Variants in FRMD6 observed in about 807,000 individuals in gnomAD.
The protein encoded by FRMD6 is FERM domain-containing protein 6.
In FRMD6, 37 loss-of-function variants were observed where a neutral mutation model predicts 73.2. The ratio of observed to expected loss-of-function variants is 0.51; its 90% confidence interval spans 0.39 to 0.66. The LOEUF (loss-of-function observed/expected upper bound fraction) is 0.66, where lower values mean the gene tolerates loss of function less well. Among genes scored for constraint, FRMD6 ranks in the 30% least tolerant of loss-of-function variants. FRMD6 has a pLI of 0.00. For missense variants in FRMD6, 714 were observed against 780.5 expected, an observed-to-expected ratio of 0.91 and a Z score of 1.02; for synonymous variants, 273 against 282.2, an observed-to-expected ratio of 0.97 and a Z score of 0.33.
intron 1 of FRMD6, among the ~76,000 whole-genome samples, chr14:51,496,116 C>T (rs1883277090): frequency 6.6e-6 from 1 of 152,190 alleles, no homozygotes; most frequent in Admixed American, 6.5e-5. Flanking sequence ...ATCACTCACT[C>T]TGAGGAATCC....
At chr14:51,637,476 C>CAT in intron 2 of FRMD6, 1 of 141,594 alleles carries the variant, frequency 7.1e-6, no homozygotes, top group Non-Finnish European at 1.5e-5. Flanking sequence ...CACACACACA[C>CAT]ACACACACAC....
chr14:51,457,350 T>G, the FRMD6 span, among the ~76,000 whole-genome samples: 1 of 151,770 alleles, frequency 6.6e-6, no homozygotes, highest in South Asian at 2.1e-4. Flanking sequence ...ATATGATGAC[T>G]AGAAAAAAAA....
chr14:51,613,027 C>T (rs1019582926), intron 2 of FRMD6, among the ~76,000 whole-genome samples: 3 of 152,012 alleles, frequency 2.0e-5, no homozygotes, highest in African/African-American at 4.8e-5. Flanking sequence ...GAAAGAAAAC[C>T]GTGGTGTGAC....
the FRMD6 span, among the ~76,000 whole-genome samples, chr14:51,444,372 G>A: frequency 6.6e-6 from 1 of 152,232 alleles, no homozygotes; most frequent in Non-Finnish European, 1.5e-5. Flanking sequence ...TCTGGGAGGT[G>A]AAGATGAGAA....
chr14:51,459,584 T>C, the FRMD6 span, among the ~76,000 whole-genome samples: 2 of 152,036 alleles, frequency 1.3e-5, no homozygotes, highest in African/African-American at 4.8e-5. Flanking sequence ...TCCCAGCACT[T>C]TGAGAGGCCG....
the FRMD6 span, among the ~76,000 whole-genome samples, chr14:51,417,219 TGTTA>T: frequency 6.6e-6 from 1 of 152,204 alleles, no homozygotes; most frequent in African/African-American, 2.4e-5. Flanking sequence ...TTATTTTGCC[TGTTA>T]GTTGATGCAG....
At chr14:51,607,086 C>A (rs1255152220) in intron 2 of FRMD6, among the ~76,000 whole-genome samples, 1 of 152,118 alleles carries the variant, frequency 6.6e-6, no homozygotes, top group Non-Finnish European at 1.5e-5. Flanking sequence ...CCACTACTCC[C>A]CTGAGGCCCA....
At chr14:51,552,341 T>C (rs112769342) in intron 1 of FRMD6, among the ~76,000 whole-genome samples, 51 of 152,378 alleles carry the variant, frequency 3.3e-4, no homozygotes, top group Middle Eastern at 6.8e-3. Flanking sequence ...CTGAAAACTA[T>C]CTTTCCTTTA....
At chr14:51,629,230 T>C (rs947655099) in intron 2 of FRMD6, among the ~76,000 whole-genome samples, 2 of 152,218 alleles carry the variant, frequency 1.3e-5, no homozygotes, top group Admixed American at 1.3e-4. Context: ...TCCACGTTGT[T>C]GCACATATCA....
intron 2 of FRMD6, among the ~76,000 whole-genome samples, chr14:51,626,324 C>A (rs999470846): frequency 2.0e-4 from 31 of 151,898 alleles, no homozygotes; most frequent in South Asian, 4.2e-4. Context: ...ATTAAATAGG[C>A]AAGATAAATA....
At chr14:51,727,248 TATTTCTTAA>T (rs1898019852) in intron 13 of FRMD6, among the ~76,000 whole-genome samples, 1 of 152,024 alleles carries the variant, frequency 6.6e-6, no homozygotes, top group South Asian at 2.1e-4. Flanking sequence ...TTTATTTTCC[TATTTCTTAA>T]TAAAATAATA....
chr14:51,437,815 C>A, the FRMD6 span, among the ~76,000 whole-genome samples: 35 of 152,238 alleles, frequency 2.3e-4, no homozygotes, highest in African/African-American at 8.4e-4. Context: ...CATTTTTATC[C>A]TTTCCTGTCT....
the FRMD6 span, among the ~76,000 whole-genome samples, chr14:51,471,918 A>C: frequency 6.6e-6 from 1 of 152,098 alleles, no homozygotes. Flanking sequence ...TGGAGGAGGG[A>C]ATTTGTTCCT....
At chr14:51,501,466 G>C (rs1566779794) in intron 1 of FRMD6, among the ~76,000 whole-genome samples, 1 of 152,138 alleles carries the variant, frequency 6.6e-6, no homozygotes, top group South Asian at 2.1e-4. Context: ...AGAACATGCG[G>C]TGTTTGGTTA....
At chr14:51,513,745 C>G (rs759063274) in intron 1 of FRMD6, among the ~76,000 whole-genome samples, 3 of 94,242 alleles carry the variant, frequency 3.2e-5, no homozygotes, top group Non-Finnish European at 5.8e-5. Flanking sequence ...GCTGAAGCCT[C>G]TCTGAAATTC....
intron 2 of FRMD6, among the ~76,000 whole-genome samples, chr14:51,571,790 A>C (rs1054716588): frequency 4.6e-5 from 7 of 152,236 alleles, no homozygotes; most frequent in African/African-American, 1.7e-4. Context: ...TAATGCAGAT[A>C]ATCCAGGAGT....
At chr14:51,592,615 A>G (rs1284998234) in intron 2 of FRMD6, among the ~76,000 whole-genome samples, 2 of 152,254 alleles carry the variant, frequency 1.3e-5, no homozygotes, top group Non-Finnish European at 2.9e-5. Context: ...ATTTAATTAA[A>G]AATTTAATTT....
At chr14:51,500,260 G>A (rs1284122675) in intron 1 of FRMD6, among the ~76,000 whole-genome samples, 1 of 152,174 alleles carries the variant, frequency 6.6e-6, no homozygotes, top group Non-Finnish European at 1.5e-5. Flanking sequence ...CGGGCGTGGT[G>A]GCTTACACCT....
Position 51,715,414 on chromosome 14 carries a change from C to T in FRMD6, c.939C>T (p.Leu313=), listed in dbSNP as rs142471134. 86 of 1,613,810 alleles carry T rather than the reference C, an allele frequency of 5.3e-5. No homozygotes were observed. Among genetic ancestry groups the T allele is most frequent in the Non-Finnish European group, 6.7e-5 (79 of 1,179,878 alleles). The change falls in exon 10 of 14, where the codon CTC becomes CTT. Residue 313 remains leucine (L), a synonymous_variant. Transcript: ENST00000344768. Reference sequence around the variant, plus strand: ...GGTGCCCCATGCGCTCCAGACACCTCCTGCAACTTCTGAGCAACAGCCACC... The same window carrying T: ...GGTGCCCCATGCGCTCCAGACACCTTCTGCAACTTCTGAGCAACAGCCACC... ...YTGCPMRSRH[L]LQLLSNSHRL...
Sources: gnomAD v4.1 joint callset for allele counts (sites outside exome capture counted in the v4.1 genomes callset) on GRCh38, gnomAD v4.1.1 for gene constraint, MANE v1.5 for transcripts, NCBI Gene and HGNC (gene_info 2026-07-23, HGNC 2026-07-21) for gene names.